The following CADM2 variants were observed in gnomAD, a reference collection of about 807,000 sequenced individuals.
The protein encoded by CADM2 is immunoglobulin superfamily member 4D.
In CADM2, 12 loss-of-function variants were observed where a neutral mutation model predicts 49.8. The ratio of observed to expected loss-of-function variants is 0.24; its 90% CI spans 0.15 to 0.39. The LOEUF is 0.39. CADM2 is among the 10% of genes least tolerant of loss of function. The pLI, the probability that CADM2 is intolerant of heterozygous loss-of-function variation, is 1.00. For missense variants in CADM2, 378 were observed against 492.3 expected (o/e 0.77, Z 2.20); for synonymous variants, 214 against 175.4 (o/e 1.22, Z -1.74).
intron 8 of CADM2, among the ~76,000 whole-genome samples, chr3:86,053,467 A>G (rs1466622811): frequency 2.6e-5 from 4 of 152,122 alleles, no homozygotes; most frequent in Non-Finnish European, 5.9e-5. Flanking sequence ...TTTTCTTCCA[A>G]TGTCTTCGTG....
At position 84,999,929 on chromosome 3, in the gene CADM2, A is replaced by T. The variant is rs533774476; in HGVS notation, c.61+40261A>T. On this transcript the variant is annotated intron_variant, in intron 1 of 9. Transcript: ENST00000383699. ...TTATATAATTTTAGAGTTGGATGAGATCTTAGGGGCCAGCTAGTCCAAACT... is the reference window on the plus strand; with the variant it reads ...TTATATAATTTTAGAGTTGGATGAGTTCTTAGGGGCCAGCTAGTCCAAACT... 3.7e-4 allele frequency among the ~76,000 whole-genome samples: 56 copies of T among 152,064 alleles called. 1 individual carries two copies. The highest frequency in any genetic ancestry group is 6.5e-4 in the Non-Finnish European group (44 of 68,000).
At chr3:86,062,987 A>G (rs779490120) in intron 8 of CADM2, among the ~76,000 whole-genome samples, 18 of 152,084 alleles carry the variant, frequency 1.2e-4, no homozygotes, top group Admixed American at 2.0e-4. Flanking sequence ...ATCAACTGTA[A>G]CAGAGACTGG....
intron 1 of CADM2, among the ~76,000 whole-genome samples, chr3:85,405,526 C>A (rs962003363): frequency 1.3e-5 from 2 of 152,038 alleles, no homozygotes; most frequent in African/African-American, 4.8e-5. Context: ...GACTCAGAAT[C>A]CTTAACAAAT....
At chr3:85,251,446 G>A (rs1230232412) in intron 1 of CADM2, among the ~76,000 whole-genome samples, 1 of 151,898 alleles carries the variant, frequency 6.6e-6, no homozygotes, top group Admixed American at 6.6e-5. Context: ...ACAAAAAAGA[G>A]ATTTCAATTA....
chr3:85,473,942 G>A (rs2038872523), intron 1 of CADM2, among the ~76,000 whole-genome samples: 1 of 151,740 alleles, frequency 6.6e-6, no homozygotes, highest in Non-Finnish European at 1.5e-5. Flanking sequence ...CTTTTAGCTA[G>A]TTTCCTTATT....
intron 3 of CADM2, among the ~76,000 whole-genome samples, chr3:85,872,550 T>G (rs2075969301): frequency 6.6e-6 from 1 of 151,850 alleles, no homozygotes; most frequent in Non-Finnish European, 1.5e-5. Context: ...TCAGTCACTT[T>G]CATTTGCCCC....
intron 2 of CADM2, among the ~76,000 whole-genome samples, chr3:85,736,717 AG>A (rs967285165): frequency 3.9e-5 from 6 of 152,092 alleles, no homozygotes; most frequent in African/African-American, 1.4e-4. Flanking sequence ...TGGTTTTAAA[AG>A]GGAATGGGGT....
At chr3:85,398,961 A>G (rs940695183) in intron 1 of CADM2, among the ~76,000 whole-genome samples, 1 of 151,662 alleles carries the variant, frequency 6.6e-6, no homozygotes, top group Non-Finnish European at 1.5e-5. Flanking sequence ...CTGCCTGTTC[A>G]CTCTCATGCT....
At chr3:85,921,007 A>G (rs1719032082) in intron 6 of CADM2, among the ~76,000 whole-genome samples, 2 of 151,896 alleles carry the variant, frequency 1.3e-5, no homozygotes, top group African/African-American at 4.8e-5. Context: ...GTAAAACATA[A>G]CATCAAAATT....
At chr3:85,592,175 A>G (rs982274769) in intron 1 of CADM2, among the ~76,000 whole-genome samples, 15 of 152,038 alleles carry the variant, frequency 9.9e-5, no homozygotes, top group Non-Finnish European at 1.3e-4. Context: ...GATGGAAAAC[A>G]GAACATTGAT....
At chr3:85,801,989 G>GTGGTC (rs1371783898) in intron 2 of CADM2, 58 bp from the exon 3 acceptor site, 1 of 1,411,520 alleles carries the variant, frequency 7.1e-7, no homozygotes, top group Non-Finnish European at 9.7e-7. Flanking sequence ...GTAGATCTTA[G>GTGGTC]GCAGTTAATC....
chr3:85,662,568 A>G (rs1473491492), intron 1 of CADM2, among the ~76,000 whole-genome samples: 3 of 151,896 alleles, frequency 2.0e-5, no homozygotes, highest in African/African-American at 4.8e-5. Context: ...CTACACTTTC[A>G]CCATTCCTCC....
intron 1 of CADM2, among the ~76,000 whole-genome samples, chr3:85,720,691 G>A (rs147042469): frequency 1.2e-3 from 176 of 152,226 alleles, no homozygotes; most frequent in African/African-American, 3.4e-3. Context: ...AATGTTAGGT[G>A]ATAGTTAAGA....
At chr3:86,038,121 GAT>G (rs1735401969) in intron 8 of CADM2, among the ~76,000 whole-genome samples, 1 of 152,074 alleles carries the variant, frequency 6.6e-6, no homozygotes, top group African/African-American at 2.4e-5. Flanking sequence ...TGCTGAGAAT[GAT>G]AGTTTCCAGC....
chr3:85,865,918 C>T (rs1364337646), intron 3 of CADM2, among the ~76,000 whole-genome samples: 1 of 152,132 alleles, frequency 6.6e-6, no homozygotes, highest in African/African-American at 2.4e-5. Context: ...GCAACATTTT[C>T]GTGCAAAACT....
chr3:85,455,947 A>T (rs1347092714), intron 1 of CADM2, among the ~76,000 whole-genome samples: 1 of 152,178 alleles, frequency 6.6e-6, no homozygotes, highest in East Asian at 1.9e-4. Context: ...CACAAAATAT[A>T]TGAAATGAAA....
chr3:85,366,575 A>C (rs2032801991), intron 1 of CADM2, among the ~76,000 whole-genome samples: 1 of 152,192 alleles, frequency 6.6e-6, no homozygotes, highest in South Asian at 2.1e-4. Context: ...ATTTAACCAC[A>C]GGGGAGAAGT....
chr3:85,303,474 A>G (rs1019869033), intron 1 of CADM2, among the ~76,000 whole-genome samples: 2 of 151,894 alleles, frequency 1.3e-5, no homozygotes, highest in African/African-American at 4.8e-5. Context: ...ATTCAGCTGA[A>G]TTGATGAAAT....
chr3:85,597,105 G>C (rs560406807), intron 1 of CADM2, among the ~76,000 whole-genome samples: 7 of 152,154 alleles, frequency 4.6e-5, no homozygotes, highest in African/African-American at 1.7e-4. Context: ...TATTGCTAAG[G>C]ATTTCAGTAG....
Sources: allele counts gnomAD v4.1 joint callset (sites outside exome capture counted in the v4.1 genomes callset), GRCh38; gene constraint gnomAD v4.1.1; transcripts MANE v1.5; gene names NCBI Gene and HGNC (gene_info 2026-07-23, HGNC 2026-07-21).